TRHDE: variants seen among roughly 807,000 people sequenced by gnomAD.
TRHDE encodes thyrotropin-releasing hormone-degrading ectoenzyme.
A neutral mutation model predicts 125.7 loss-of-function variants in TRHDE; 72 were observed. The observed-to-expected ratio is 0.57, with a 90% CI of 0.47 to 0.70. The LOEUF (loss-of-function observed/expected upper bound fraction) is 0.70, where lower values mean the gene tolerates loss of function less well. Among genes scored for constraint, TRHDE ranks in the 30% least tolerant of loss-of-function variants. TRHDE has a pLI of 0.00. For missense variants in TRHDE, 1,110 were observed against 1,327.1 expected (o/e 0.84, Z 2.54); for synonymous variants, 509 against 509.1 (o/e 1.00, Z 0.00).
intron 2 of TRHDE, among the ~76,000 whole-genome samples, chr12:72,242,406 TG>T (rs1878500322): frequency 6.6e-6 from 1 of 152,184 alleles, no homozygotes; most frequent in Non-Finnish European, 1.5e-5. Flanking sequence ...AAAAAATTAG[TG>T]GGGGTTCTTG....
At position 72,637,707 on chromosome 12, in the gene TRHDE, T is replaced by C. The variant is rs148189524; in HGVS notation, c.2676-14615T>C. Among the ~76,000 whole-genome samples the C allele has an allele frequency of 2.8e-3, 425 of 152,300 alleles. 1 individual carries two copies. The highest frequency in any genetic ancestry group is 9.6e-3 in the African/African-American group (400 of 41,558). On this transcript the variant is annotated intron_variant, in intron 15 of 18. Transcript: ENST00000261180. ...CCAGAGATTCTGGTATGTTGTGTCT[T>C]TGTTCTTGTTGGTTTCAAAGAACAC...
chr12:72,161,064 T>C (rs771307141), intron 2 of TRHDE, among the ~76,000 whole-genome samples: 3 of 152,194 alleles, frequency 2.0e-5, no homozygotes, highest in Non-Finnish European at 2.9e-5. Context: ...AAATTGTACC[T>C]GTATTGTATG....
intron 1 of TRHDE, among the ~76,000 whole-genome samples, chr12:72,283,378 C>T (rs1879765546): frequency 6.6e-6 from 1 of 152,120 alleles, no homozygotes; most frequent in Non-Finnish European, 1.5e-5. Context: ...CTCTTCTTTA[C>T]CAAGGGACTT....
At chr12:72,392,055 T>C (rs370039638) in intron 3 of TRHDE, among the ~76,000 whole-genome samples, 95 of 152,244 alleles carry the variant, frequency 6.2e-4, no homozygotes, top group African/African-American at 2.2e-3. Flanking sequence ...GTCTCTGCCA[T>C]GTGAGGACAA....
chr12:72,289,823 G>C (rs1425794045), intron 2 of TRHDE, among the ~76,000 whole-genome samples: 2 of 152,144 alleles, frequency 1.3e-5, no homozygotes, highest in Non-Finnish European at 2.9e-5. Flanking sequence ...CTAGAGCTGG[G>C]TGGTGGTGAC....
intron 5 of TRHDE, among the ~76,000 whole-genome samples, chr12:72,495,018 AC>A (rs1265885611): frequency 7.4e-6 from 1 of 134,550 alleles, no homozygotes; most frequent in Admixed American, 7.5e-5. Flanking sequence ...TCCAAACCAA[AC>A]CTTTTTCTAC....
intron 12 of TRHDE, among the ~76,000 whole-genome samples, chr12:72,618,146 T>G (rs564303610): frequency 6.6e-6 from 1 of 152,274 alleles, no homozygotes; most frequent in East Asian, 1.9e-4. Context: ...TATAGTTCTT[T>G]TTGGCTCCTT....
chr12:72,179,612 C>G (rs999858946), intron 2 of TRHDE, among the ~76,000 whole-genome samples: 1 of 152,128 alleles, frequency 6.6e-6, no homozygotes. Context: ...CTGATCCTCT[C>G]AGTGAGATAC....
chr12:72,348,843 C>G (rs553710056), intron 2 of TRHDE, among the ~76,000 whole-genome samples: 2 of 152,002 alleles, frequency 1.3e-5, no homozygotes, highest in Admixed American at 1.3e-4. Flanking sequence ...TACTTGAAAT[C>G]ATTTGTTTTT....
chr12:72,471,623 C>A (rs1419804925), intron 4 of TRHDE, among the ~76,000 whole-genome samples: 1 of 152,134 alleles, frequency 6.6e-6, no homozygotes, highest in African/African-American at 2.4e-5. Flanking sequence ...TCCTGCCCAC[C>A]TATTTGTTGT....
At chr12:72,312,309 G>A (rs780033394) in intron 2 of TRHDE, among the ~76,000 whole-genome samples, 1 of 152,158 alleles carries the variant, frequency 6.6e-6, no homozygotes, top group African/African-American at 2.4e-5. Context: ...TGTTCACAGA[G>A]CATCAACTTT....
chr12:72,378,248 C>CA (rs539561814), intron 3 of TRHDE, 127 bp downstream of exon 3: 477 of 958,192 alleles, frequency 5.0e-4, no homozygotes, highest in East Asian at 6.5e-4. Flanking sequence ...AAGATAAGCA[C>CA]AAAAAAAAAT....
chr12:72,359,321 A>G (rs2135749146), intron 2 of TRHDE, among the ~76,000 whole-genome samples: 1 of 151,776 alleles, frequency 6.6e-6, no homozygotes, highest in East Asian at 1.9e-4. Context: ...GTGAAACAGT[A>G]GAAGCATTCC....
At position 72,667,172 on chromosome 12, in the gene TRHDE, C is replaced by A. The variant is rs1214201821; in HGVS notation, c.*3977C>A. 1 of 151,822 alleles carries A rather than the reference C, an allele frequency of 6.6e-6. No homozygotes were observed. The highest frequency in any genetic ancestry group is 1.5e-5 in the Non-Finnish European group (1 of 67,868). 9.4% of individuals were successfully genotyped at this position (151,822 alleles called of 1,614,324 possible). ...AATATATTTAATTAAAATCTACTGG[C>A]AATTAGAATTTTAAGGAATTCTTTT... On this transcript the variant is annotated 3_prime_UTR_variant, in exon 19 of 19. Coordinates refer to ENST00000261180, the MANE Select transcript of TRHDE (RefSeq NM_013381.3).
At chr12:72,297,232 G>A (rs1055733799) in intron 2 of TRHDE, among the ~76,000 whole-genome samples, 1 of 152,132 alleles carries the variant, frequency 6.6e-6, no homozygotes, top group Non-Finnish European at 1.5e-5. Context: ...AAGCAGGGAG[G>A]CAAGTGAACC....
intron 12 of TRHDE, among the ~76,000 whole-genome samples, chr12:72,595,386 G>A (rs1321710162): frequency 6.6e-6 from 1 of 151,786 alleles, no homozygotes; most frequent in African/African-American, 2.4e-5. Context: ...TCATTGTTAG[G>A]GGAATGATTG....
chr12:72,316,730 T>C (rs1396241857), intron 2 of TRHDE, among the ~76,000 whole-genome samples: 1 of 152,212 alleles, frequency 6.6e-6, no homozygotes, highest in Non-Finnish European at 1.5e-5. Context: ...GATCCCATCA[T>C]ATGAATATGC....
chr12:72,399,827 A>G (rs746030394), intron 3 of TRHDE, among the ~76,000 whole-genome samples: 1 of 152,162 alleles, frequency 6.6e-6, no homozygotes, highest in Non-Finnish European at 1.5e-5. Flanking sequence ...GTAAACTTTC[A>G]ATGATAAATG....
chr12:72,516,823 A>G (rs1231630141), intron 6 of TRHDE, among the ~76,000 whole-genome samples: 2 of 152,112 alleles, frequency 1.3e-5, no homozygotes, highest in African/African-American at 2.4e-5. Flanking sequence ...CGTCCCATCA[A>G]TACCTAATTT....
Sources: gnomAD v4.1 joint callset for allele counts (sites outside exome capture counted in the v4.1 genomes callset) on GRCh38, gnomAD v4.1.1 for gene constraint, MANE v1.5 for transcripts, NCBI Gene and HGNC (gene_info 2026-07-23, HGNC 2026-07-21) for gene names.